The following OSBPL6 variants were observed in gnomAD, a reference collection of about 807,000 sequenced individuals.
OSBPL6 encodes the protein oxysterol-binding protein-related protein 6.
OSBPL6 carries 49 observed loss-of-function variants against 125.8 expected under a neutral mutation model. That is an observed-to-expected ratio of 0.39 (90% CI 0.31 to 0.49). The LOEUF (loss-of-function observed/expected upper bound fraction) is 0.49, where lower values mean the gene tolerates loss of function less well. Among genes scored for constraint, OSBPL6 ranks in the 20% least tolerant of loss-of-function variants. The pLI, the probability that OSBPL6 is intolerant of heterozygous loss-of-function variation, is 0.88. For synonymous variants in OSBPL6, 394 were observed against 391.8 expected (o/e 1.01, Z -0.07); for missense variants, 986 against 1,135.4 (o/e 0.87, Z 1.89).
In OSBPL6 at chr2:178,395,554, TG is replaced by T. The variant is rs1485230517; in HGVS notation, c.2802del (p.Trp934CysfsTer6). 1 of 1,603,856 alleles carries T rather than the reference TG, an allele frequency of 6.2e-7. No individual in the cohort carries two copies. Among genetic ancestry groups the T allele is most frequent in the Admixed American group, 1.7e-5 (1 of 59,882 alleles). On this transcript the variant is annotated frameshift_variant, in exon 25 of 25. Coordinates refer to ENST00000190611, the MANE Select transcript of OSBPL6 (RefSeq NM_032523.4). LOFTEE classifies it high-confidence loss of function. The stretch of plus-strand genomic sequence containing the variant: ...TAGCAAAGTAGACAGCCCTGTTCTT[TG>T]GTAGACTGGGAATGTAGAGCTAGCC... ...GFSKVDSPVL[W>X]
chr2:178,219,938 G>C (rs2090264553), intron 1 of OSBPL6, among the ~76,000 whole-genome samples: 1 of 152,206 alleles, frequency 6.6e-6, no homozygotes, highest in Non-Finnish European at 1.5e-5. Context: ...GTCCTCCTAA[G>C]TGGTGGTCTG....
At chr2:178,236,635 CAAGT>C (rs1425594335) in intron 1 of OSBPL6, among the ~76,000 whole-genome samples, 1 of 152,190 alleles carries the variant, frequency 6.6e-6, no homozygotes, top group Non-Finnish European at 1.5e-5. Context: ...GACATATTCT[CAAGT>C]AAGTGGTCTC....
intron 16 of OSBPL6, 87 bp downstream of exon 16, chr2:178,382,594 C>CG: frequency 6.4e-7 from 1 of 1,572,392 alleles, no homozygotes; most frequent in Non-Finnish European, 8.6e-7. Flanking sequence ...CCCCCTCCCA[C>CG]GCCACCCCCA....
Position 178,301,998 on chromosome 2 carries a change from T to A in OSBPL6, c.-155-4032T>A, listed in dbSNP as rs111440133. ...GTGAGAAAGACATTTGGGGCTTGGT[T>A]GTGACTCATTGCAACTTAGCCCAGG... is the stretch of plus-strand genomic sequence containing the variant. On this transcript the variant is annotated intron_variant, in intron 2 of 24. Coordinates refer to ENST00000190611, the MANE Select transcript of OSBPL6 (RefSeq NM_032523.4). 1.4e-3 allele frequency among the ~76,000 whole-genome samples: 217 copies of A among 152,346 alleles called. 1 individual carries two copies. Among genetic ancestry groups the A allele is most frequent in the African/African-American group, 4.5e-3 (186 of 41,584 alleles).
chr2:178,295,219 T>G (rs1685639660), intron 2 of OSBPL6, among the ~76,000 whole-genome samples: 1 of 152,174 alleles, frequency 6.6e-6, no homozygotes, highest in African/African-American at 2.4e-5. Context: ...ATTTACCAAC[T>G]GTAGTGCAGA....
intron 2 of OSBPL6, among the ~76,000 whole-genome samples, chr2:178,296,627 T>G (rs1485811535): frequency 6.6e-6 from 1 of 152,138 alleles, no homozygotes; most frequent in Non-Finnish European, 1.5e-5. Flanking sequence ...ATAGTCTATT[T>G]CAAGGTCCCA....
At chr2:178,238,495 A>G (rs1315227366) in intron 1 of OSBPL6, among the ~76,000 whole-genome samples, 2 of 152,312 alleles carry the variant, frequency 1.3e-5, no homozygotes, top group East Asian at 3.9e-4. Context: ...ACCTCTTTTA[A>G]GTGAAAAGAT....
intron 1 of OSBPL6, among the ~76,000 whole-genome samples, chr2:178,213,572 T>C (rs2089963599): frequency 6.6e-6 from 1 of 152,156 alleles, no homozygotes; most frequent in South Asian, 2.1e-4. Context: ...CTGGTCTCCA[T>C]CAATCCAATT....
At chr2:178,305,422 C>A (rs1686672446) in intron 2 of OSBPL6, among the ~76,000 whole-genome samples, 1 of 152,182 alleles carries the variant, frequency 6.6e-6, no homozygotes. Flanking sequence ...ACTCCATTTA[C>A]CCCTGCTCTA....
intron 12 of OSBPL6, among the ~76,000 whole-genome samples, chr2:178,355,380 A>G (rs1691685783): frequency 6.6e-6 from 1 of 152,184 alleles, no homozygotes; most frequent in African/African-American, 2.4e-5. Context: ...AGTCAAATAG[A>G]TGCAATAAAA....
intron 1 of OSBPL6, among the ~76,000 whole-genome samples, chr2:178,268,690 C>T (rs978849048): frequency 1.1e-4 from 16 of 151,712 alleles, no homozygotes; most frequent in Non-Finnish European, 2.4e-4. Context: ...ATGAATCATT[C>T]TTTTTTTATT....
At chr2:178,362,805 AAC>A (rs1692473226) in intron 13 of OSBPL6, among the ~76,000 whole-genome samples, 1 of 152,182 alleles carries the variant, frequency 6.6e-6, no homozygotes, top group Non-Finnish European at 1.5e-5. Flanking sequence ...TTATCCATAA[AAC>A]ACTGTCAGCT....
chr2:178,337,270 T>G (rs1689770530), intron 9 of OSBPL6, among the ~76,000 whole-genome samples: 1 of 152,202 alleles, frequency 6.6e-6, no homozygotes, highest in South Asian at 2.1e-4. Context: ...TCTTATAAAA[T>G]TATAATAAAA....
At chr2:178,366,987 A>G (rs1219989735) in intron 13 of OSBPL6, among the ~76,000 whole-genome samples, 2 of 152,254 alleles carry the variant, frequency 1.3e-5, no homozygotes, top group African/African-American at 2.4e-5. Context: ...AATCATGCAC[A>G]TATTCATGGC....
intron 1 of OSBPL6, among the ~76,000 whole-genome samples, chr2:178,241,455 A>T (rs1239767364): frequency 1.9e-4 from 27 of 140,270 alleles, no homozygotes; most frequent in Non-Finnish European, 3.5e-4. Flanking sequence ...TCATTCTGTC[A>T]CCCAGGCTGG....
Position 178,397,257 on chromosome 2 carries a change from G to A in OSBPL6, c.*1698G>A, listed in dbSNP as rs1695905682. On this transcript the variant is annotated 3_prime_UTR_variant, in exon 25 of 25. Transcript: ENST00000190611. The stretch of plus-strand genomic sequence containing the variant: ...TCCTCCCTTGCATCTGAGTTTTTAT[G>A]TTATGTGTACAGTCTGCATTAGCTT... 6.6e-6 allele frequency: 1 copy of A among 152,198 alleles called. No homozygotes were observed. The highest frequency in any genetic ancestry group is 2.4e-5 in the African/African-American group (1 of 41,452). The allele number at this position is 152,198 out of a possible 1,614,324, so 9.4% of individuals were successfully genotyped here.
chr2:178,375,707 G>A (rs1208383401), intron 15 of OSBPL6, among the ~76,000 whole-genome samples: 1 of 152,182 alleles, frequency 6.6e-6, no homozygotes, highest in Non-Finnish European at 1.5e-5. Flanking sequence ...ACAGGCATGA[G>A]CCACTGCGCC....
At chr2:178,389,232 T>C (rs1211881075) in intron 21 of OSBPL6, 79 bp downstream of exon 21, 10 of 1,367,574 alleles carry the variant, frequency 7.3e-6, no homozygotes, top group African/African-American at 1.4e-5. Flanking sequence ...TCACCTTAAA[T>C]AGCAGCAAGT....
intron 1 of OSBPL6, among the ~76,000 whole-genome samples, chr2:178,258,556 C>T (rs767475897): frequency 2.0e-5 from 3 of 152,168 alleles, no homozygotes; most frequent in African/African-American, 7.2e-5. Context: ...CTCAGCCCCA[C>T]GTGATGATAA....
Sources: allele counts gnomAD v4.1 joint callset (sites outside exome capture counted in the v4.1 genomes callset), GRCh38; gene constraint gnomAD v4.1.1; transcripts MANE v1.5; gene names NCBI Gene and HGNC (gene_info 2026-07-23, HGNC 2026-07-21).